SMC3: variants seen among roughly 807,000 people sequenced by gnomAD.
SMC3 encodes structural maintenance of chromosomes 3, also known as structural maintenance of chromosomes protein 3.
Under a neutral mutation model 171.8 loss-of-function variants are expected in SMC3, and 20 were observed. The observed-to-expected ratio is 0.12, with a 90% CI of 0.08 to 0.17. The LOEUF (loss-of-function observed/expected upper bound fraction) is 0.17. SMC3 is among the 10% of genes least tolerant of loss of function. The probability of loss-of-function intolerance (pLI) is 1.00; values close to 1 mark genes in which losing one functional copy is unlikely to be tolerated. For missense variants in SMC3, 543 were observed against 1,420.4 expected (o/e 0.38, Z 9.93); for synonymous variants, 464 against 451.1 (o/e 1.03, Z -0.36).
chr10:110,588,572 A>T (rs573648780), intron 13 of SMC3, among the ~76,000 whole-genome samples: 1 of 152,288 alleles, frequency 6.6e-6, no homozygotes, highest in African/African-American at 2.4e-5. Flanking sequence ...GCTTCCCAGT[A>T]AGGCAAGGAT....
chr10:110,584,169 T>C lies in SMC3; in HGVS notation c.1092-14T>C, dbSNP rs775976866. ...TATTCTCCTTTTCATCCCATTTGCT[T>C]CTATTTTGTGTAGATTGGCTCAAGC... On this transcript the variant is annotated splice_polypyrimidine_tract_variant and intron_variant, in intron 12 of 28. Transcript: ENST00000361804. The C allele has an allele frequency of 4.3e-6, 7 of 1,612,566 alleles. No individual in the cohort carries two copies. Among genetic ancestry groups the C allele is most frequent in the Non-Finnish European group, 5.9e-6 (7 of 1,178,534 alleles).
At chr10:110,596,647 TTTC>T (rs1861305345) in intron 19 of SMC3, 97 bp downstream of exon 19, 1 of 1,172,398 alleles carries the variant, frequency 8.5e-7, no homozygotes, top group Non-Finnish European at 1.2e-6. Flanking sequence ...ATATTAAAAA[TTTC>T]TTGTGTTTTA....
intron 25 of SMC3, 73 bp from the exon 26 acceptor site, chr10:110,602,401 T>C: frequency 7.9e-7 from 1 of 1,260,852 alleles, no homozygotes; most frequent in East Asian, 2.5e-5. Flanking sequence ...AATTGGTTGC[T>C]TTTAAATATT....
At chr10:110,603,387 A>G (rs945495517) in intron 28 of SMC3, 97 bp downstream of exon 28, 55 of 805,778 alleles carry the variant, frequency 6.8e-5, no homozygotes, top group South Asian at 2.3e-4. Context: ...GAAAACTTAG[A>G]AAGTCTTTGC....
intron 21 of SMC3, 25 bp from the exon 22 acceptor site, chr10:110,600,414 A>C (rs375445096): frequency 8.6e-7 from 1 of 1,156,490 alleles, no homozygotes; most frequent in South Asian, 1.2e-5. Context: ...ACATGCTTAT[A>C]TAGACAACTT....
At chr10:110,596,746 A>G (rs1003232480) in intron 19 of SMC3, among the ~76,000 whole-genome samples, 196 bp downstream of exon 19, 1 of 152,204 alleles carries the variant, frequency 6.6e-6, no homozygotes, top group Non-Finnish European at 1.5e-5. Context: ...AGCTAATACC[A>G]TGAAGTCACT....
At chr10:110,589,774 T>C (rs1410910930) in intron 14 of SMC3, 66 bp downstream of exon 14, 20 of 1,429,910 alleles carry the variant, frequency 1.4e-5, no homozygotes, top group East Asian at 1.1e-4. Context: ...TTATGTGGTC[T>C]TTAAGTTACA....
intron 15 of SMC3, 24 bp from the exon 16 acceptor site, chr10:110,590,388 T>G (rs1164070850): frequency 2.5e-6 from 4 of 1,601,744 alleles, no homozygotes; most frequent in Non-Finnish European, 3.4e-6. Context: ...TATTTTAATA[T>G]TTTTCATTTC....
intron 11 of SMC3, 144 bp from the exon 12 acceptor site, chr10:110,583,697 C>T: frequency 8.5e-7 from 1 of 1,182,592 alleles, no homozygotes; most frequent in Non-Finnish European, 1.2e-6. Context: ...CAACTTGGTA[C>T]TGTCCCTTTG....
chr10:110,574,487 C>T (rs1860917874), intron 3 of SMC3, among the ~76,000 whole-genome samples: 3 of 152,198 alleles, frequency 2.0e-5, no homozygotes, highest in African/African-American at 7.2e-5. Flanking sequence ...GGTTCTATCT[C>T]TTCTGTGCAC....
intron 4 of SMC3, among the ~76,000 whole-genome samples, chr10:110,576,358 G>A (rs1231810336): frequency 6.6e-6 from 1 of 152,150 alleles, no homozygotes; most frequent in Admixed American, 6.5e-5. Flanking sequence ...TTTATTAAGT[G>A]GGTCCTTTTG....
intron 17 of SMC3, 81 bp downstream of exon 17, chr10:110,591,213 G>C (rs1368324454): frequency 7.5e-7 from 1 of 1,333,786 alleles, no homozygotes; most frequent in Non-Finnish European, 1.1e-6. Flanking sequence ...CTAGTGCCCA[G>C]GCACTATACA....
intron 18 of SMC3, among the ~76,000 whole-genome samples, chr10:110,594,861 CATT>C (rs1266861596): frequency 8.5e-5 from 13 of 152,190 alleles, no homozygotes; most frequent in African/African-American, 2.9e-4. Context: ...GCCACAGTAT[CATT>C]GTTACACCTA....
chr10:110,570,778 T>A (rs1860859633), intron 2 of SMC3, among the ~76,000 whole-genome samples: 1 of 152,240 alleles, frequency 6.6e-6, no homozygotes, highest in Non-Finnish European at 1.5e-5. Context: ...GCATTAGATT[T>A]GTTAATAGTC....
intron 10 of SMC3, 145 bp downstream of exon 10, chr10:110,582,787 G>A: frequency 1.4e-6 from 1 of 690,138 alleles, no homozygotes; most frequent in South Asian, 1.6e-5. Context: ...TCTTGCCGCA[G>A]CTTCCTGAAT....
chr10:110,598,316 G>C, intron 20 of SMC3, 26 bp downstream of exon 20: 1 of 1,600,838 alleles, frequency 6.2e-7, no homozygotes, highest in Non-Finnish European at 8.6e-7. Context: ...TTTGGTTATA[G>C]ATCGATTGTT....
chr10:110,598,097 T>TA, intron 19 of SMC3, 42 bp from the exon 20 acceptor site: 1 of 1,573,306 alleles, frequency 6.4e-7, no homozygotes, highest in Non-Finnish European at 8.7e-7. Flanking sequence ...GAACATACGA[T>TA]ATATTTACAA....
intron 3 of SMC3, among the ~76,000 whole-genome samples, chr10:110,573,948 G>A (rs1400241753): frequency 6.6e-6 from 1 of 152,002 alleles, no homozygotes; most frequent in Non-Finnish European, 1.5e-5. Flanking sequence ...GTGTGAGAGT[G>A]GGCAAAACAC....
chr10:110,576,008 A>G (rs1354464382), intron 4 of SMC3, among the ~76,000 whole-genome samples: 1 of 152,208 alleles, frequency 6.6e-6, no homozygotes, highest in African/African-American at 2.4e-5. Flanking sequence ...AGTAAACATC[A>G]TTTTCCAGTA....
Sources: gnomAD v4.1 joint callset for allele counts (sites outside exome capture counted in the v4.1 genomes callset) on GRCh38, gnomAD v4.1.1 for gene constraint, MANE v1.5 for transcripts, NCBI Gene and HGNC (gene_info 2026-07-23, HGNC 2026-07-21) for gene names.